Variants in DCUN1D1 observed in about 807,000 individuals in gnomAD.
DCUN1D1 encodes defective in cullin neddylation 1 domain containing 1.
In DCUN1D1, 3 loss-of-function variants were observed where a neutral mutation model predicts 39.0. That is an observed-to-expected ratio of 0.08 (90% CI 0.04 to 0.20). The LOEUF (loss-of-function observed/expected upper bound fraction) is 0.20, where lower values mean the gene tolerates loss of function less well. Among genes scored for constraint, DCUN1D1 ranks in the 10% least tolerant of loss-of-function variants. The pLI is 1.00. For missense variants in DCUN1D1, 158 were observed against 302.4 expected, an observed-to-expected ratio of 0.52 and a Z score of 3.54; for synonymous variants, 82 against 96.3, an observed-to-expected ratio of 0.85 and a Z score of 0.87.
intron 1 of DCUN1D1, among the ~76,000 whole-genome samples, chr3:182,966,127 G>A (rs1727654591): frequency 6.6e-6 from 1 of 152,016 alleles, no homozygotes; most frequent in African/African-American, 2.4e-5. Context: ...GGAAGAAGGT[G>A]ACATGATCAG....
chr3:182,948,677 C>T (rs1055235088), intron 4 of DCUN1D1, among the ~76,000 whole-genome samples: 3 of 152,150 alleles, frequency 2.0e-5, no homozygotes, highest in African/African-American at 4.8e-5. Context: ...GATGACATCT[C>T]GAAACCATTC....
chr3:182,947,292 G>T lies in DCUN1D1; in HGVS notation c.646C>A (p.Leu216Ile). The change falls in exon 6 of 7, where the codon CTT (leucine) becomes ATT (isoleucine). Residue 216 changes from leucine (L) to isoleucine (I), a missense_variant. Leu to Ile is a conservative substitution (Grantham distance 5). Transcript: ENST00000292782. ...GCAATCATCGTACTGAAGTCTAAAA[G>T]AAGATTCCAAGTGTCTTTTGGTATT... ...RSIPKDTWNL[L>I]LDFSTMIADD... The T allele has an allele frequency of 6.2e-7, 1 of 1,609,818 alleles. No homozygotes were observed. The highest frequency in any genetic ancestry group is 8.5e-7 in the Non-Finnish European group (1 of 1,178,502).
chr3:182,957,937 CAAAAAAA>C (rs34998390), intron 4 of DCUN1D1, among the ~76,000 whole-genome samples: 2 of 67,506 alleles, frequency 3.0e-5, no homozygotes, highest in African/African-American at 1.3e-4. Flanking sequence ...GACCCTGCAT[CAAAAAAA>C]AAAAAAAAAA....
At chr3:182,962,788 T>C (rs1727467506) in intron 3 of DCUN1D1, among the ~76,000 whole-genome samples, 1 of 152,202 alleles carries the variant, frequency 6.6e-6, no homozygotes, top group African/African-American at 2.4e-5. Context: ...GTTTTGTTGT[T>C]GTTGTTTTTG....
chr3:182,947,896 C>G (rs906671069), intron 4 of DCUN1D1, among the ~76,000 whole-genome samples: 6 of 152,130 alleles, frequency 3.9e-5, no homozygotes, highest in Admixed American at 3.9e-4. Flanking sequence ...TTAGAGAATG[C>G]AGTTAAACAT....
intron 3 of DCUN1D1, among the ~76,000 whole-genome samples, chr3:182,962,666 T>A (rs980763555): frequency 1.3e-5 from 2 of 152,240 alleles, no homozygotes; most frequent in South Asian, 2.1e-4. Flanking sequence ...CCAGAGGTGG[T>A]AGCAGCTTAC....
In DCUN1D1 at chr3:182,939,002, G is replaced by A. The variant is rs1315330648; in HGVS notation, c.*6092C>T. ...CACTGAGGGACTGGAACCCCCACTG[G>A]AAGTATTATTATTACCCTCACTGAC... On this transcript the variant is annotated 3_prime_UTR_variant, in exon 7 of 7. Coordinates refer to ENST00000292782, the MANE Select transcript of DCUN1D1 (RefSeq NM_020640.4). The A allele has an allele frequency of 5.9e-5, 9 of 152,160 alleles. No individual in the cohort carries two copies. The highest frequency in any genetic ancestry group is 5.9e-4 in the Admixed American group (9 of 15,252). The allele number at this position is 152,160 out of a possible 1,614,324, so 9.4% of individuals were successfully genotyped here.
intron 4 of DCUN1D1, among the ~76,000 whole-genome samples, chr3:182,952,027 A>G (rs1726780035): frequency 6.6e-6 from 1 of 152,108 alleles, no homozygotes; most frequent in Non-Finnish European, 1.5e-5. Flanking sequence ...GTCTACACTC[A>G]TTGCCCGGTT....
intron 6 of DCUN1D1, among the ~76,000 whole-genome samples, chr3:182,947,031 T>A (rs1163742555): frequency 6.6e-6 from 1 of 152,104 alleles, no homozygotes; most frequent in Non-Finnish European, 1.5e-5. Context: ...AGCCCAGGAG[T>A]TTGAAGACTT....
chr3:182,981,912 G>T (rs1728566987), upstream of DCUN1D1, among the ~76,000 whole-genome samples: 1 of 152,202 alleles, frequency 6.6e-6, no homozygotes, highest in African/African-American at 2.4e-5. Context: ...GCTGGGCTCT[G>T]GGTAAATAGT....
intron 1 of DCUN1D1, among the ~76,000 whole-genome samples, chr3:182,978,151 A>T (rs1338167907): frequency 6.6e-6 from 1 of 152,020 alleles, no homozygotes; most frequent in East Asian, 1.9e-4. Context: ...AGTTAACAGA[A>T]CTTTTTTACT....
chr3:182,949,435 A>C (rs1278340211), intron 4 of DCUN1D1, among the ~76,000 whole-genome samples: 19 of 152,100 alleles, frequency 1.2e-4, no homozygotes, highest in Admixed American at 1.2e-3. Context: ...GAAATCAATT[A>C]TAGGCTGCAT....
Position 182,938,625 on chromosome 3 carries a change from G to A in DCUN1D1, c.*6469C>T, listed in dbSNP as rs1321456634. 6.6e-6 allele frequency: 1 copy of A among 152,112 alleles called. No homozygotes were observed. Among genetic ancestry groups the A allele is most frequent in the East Asian group, 1.9e-4 (1 of 5,196 alleles). The allele number at this position is 152,112 out of a possible 1,614,324, so 9.4% of individuals were successfully genotyped here. On this transcript the variant is annotated 3_prime_UTR_variant, in exon 7 of 7. Transcript: ENST00000292782. ...GTTAACATGAGTTCATTATGCAATT[G>A]TCCTTTTACATATACCTGACATACG...
At chr3:182,962,452 G>C (rs922593420) in intron 3 of DCUN1D1, among the ~76,000 whole-genome samples, 2 of 152,188 alleles carry the variant, frequency 1.3e-5, no homozygotes, top group African/African-American at 4.8e-5. Context: ...AGAGGGCAAG[G>C]GTTTTAGTGT....
At chr3:182,956,010 C>A (rs1307486793) in intron 4 of DCUN1D1, 1 of 152,486 alleles carries the variant, frequency 6.6e-6, no homozygotes, top group Non-Finnish European at 1.4e-5. Flanking sequence ...CTCACTGCAA[C>A]CTCTGACTCC....
At chr3:182,958,263 A>G (rs1727196800) in intron 4 of DCUN1D1, among the ~76,000 whole-genome samples, 1 of 151,682 alleles carries the variant, frequency 6.6e-6, no homozygotes, top group African/African-American at 2.4e-5. Context: ...CTCTTACTAC[A>G]TTTTTCTTTT....
intron 1 of DCUN1D1, among the ~76,000 whole-genome samples, chr3:182,972,390 T>C (rs1727989093): frequency 6.6e-6 from 1 of 152,224 alleles, no homozygotes; most frequent in Non-Finnish European, 1.5e-5. Flanking sequence ...CTCTTATAAT[T>C]TGAAGTTTAA....
At chr3:182,984,629 C>G (rs1290068900), upstream of DCUN1D1, among the ~76,000 whole-genome samples, 4 of 152,110 alleles carry the variant, frequency 2.6e-5, no homozygotes, top group African/African-American at 9.7e-5. Context: ...CACACACTCC[C>G]TCTCACTGTA....
At chr3:182,976,489 T>A (rs1728248398) in intron 1 of DCUN1D1, among the ~76,000 whole-genome samples, 1 of 126,936 alleles carries the variant, frequency 7.9e-6, no homozygotes, top group African/African-American at 3.1e-5. Context: ...ACACACACAC[T>A]GCTCCAGCCA....
Sources: allele counts gnomAD v4.1 joint callset (sites outside exome capture counted in the v4.1 genomes callset), GRCh38; gene constraint gnomAD v4.1.1; transcripts MANE v1.5; gene names NCBI Gene and HGNC (gene_info 2026-07-23, HGNC 2026-07-21).